Variants in ATRN observed in about 807,000 individuals in gnomAD.
ATRN encodes attractin.
In ATRN, 54 loss-of-function variants were observed where a neutral mutation model predicts 178.7. The observed-to-expected ratio is 0.30, with a 90% confidence interval of 0.24 to 0.38. The LOEUF (loss-of-function observed/expected upper bound fraction) is 0.38, where lower values mean the gene tolerates loss of function less well. ATRN is among the 10% of genes least tolerant of loss of function. The pLI is 1.00. For synonymous variants in ATRN, 636 were observed against 663.0 expected (o/e 0.96, Z 0.63); for missense variants, 1,443 against 1,815.1 (o/e 0.79, Z 3.73).
intron 1 of ATRN, among the ~76,000 whole-genome samples, chr20:3,483,861 G>A (rs2084655825): frequency 6.6e-6 from 1 of 151,974 alleles, no homozygotes; most frequent in African/African-American, 2.4e-5. Flanking sequence ...AAATAGAGCT[G>A]CTGAAAAAAT....
At chr20:3,514,329 A>T (rs1455166475) in intron 1 of ATRN, among the ~76,000 whole-genome samples, 3 of 152,204 alleles carry the variant, frequency 2.0e-5, no homozygotes, top group Admixed American at 1.3e-4. Flanking sequence ...ACTCTTCCAG[A>T]GCATAGGAAA....
Position 3,632,203 on chromosome 20 carries a change from C to T in ATRN, c.3864-2108C>T, listed in dbSNP as rs1218443613. Among the ~76,000 whole-genome samples the T allele has an allele frequency of 2.6e-5, 4 of 152,166 alleles. No homozygotes were observed. Among genetic ancestry groups the T allele is most frequent in the Non-Finnish European group, 5.9e-5 (4 of 68,032 alleles). The stretch of plus-strand genomic sequence containing the variant: ...TCCAGATTCCAAAGTGCTTTTCACA[C>T]CTCTGCTTCCACAGCTCTGGTTTGA... On this transcript the variant is annotated intron_variant, in intron 25 of 28. Coordinates refer to ENST00000262919, the MANE Select transcript of ATRN (RefSeq NM_139321.3). The surrounding 1 kb of genome is among the most constrained non-coding windows in gnomAD (Gnocchi z 4.2).
Position 3,471,488 on chromosome 20 carries a change from G to A in ATRN, c.381G>A (p.Glu127=). The A allele has an allele frequency of 1.4e-6, 2 of 1,409,372 alleles. No individual in the cohort carries two copies. The highest frequency in any genetic ancestry group is 1.8e-6 in the Non-Finnish European group (2 of 1,090,594). The allele number at this position is 1,409,372 out of a possible 1,614,324, so 87.3% of individuals were successfully genotyped here. Residue 127 remains glutamate (E), a synonymous_variant, in exon 1 of 29, where the codon GAG becomes GAA. Transcript: ENST00000262919. ...TCTGCCCCGCCGGCTGGGTGGGCGAGCAATGCCAGCACTGCGGGGGCCGCT... is the reference window on the plus strand; with the variant it reads ...TCTGCCCCGCCGGCTGGGTGGGCGAACAATGCCAGCACTGCGGGGGCCGCT... ...QCVCPAGWVG[E]QCQHCGGRFR...
Position 3,560,752 on chromosome 20 carries a change from G to A in ATRN, c.1294G>A (p.Val432Met). The part of the protein sequence containing the change: ...RVFHIHNESW[V>M]LLTPKAKEQY... ...TTTTCACATTCATAATGAGTCATGGGTGTTGTTGACCCCTAAGGCAAAGGA... is the reference window on the plus strand; with the variant it reads ...TTTTCACATTCATAATGAGTCATGGATGTTGTTGACCCCTAAGGCAAAGGA... Residue 432 changes from valine to methionine, a missense_variant, in exon 8 of 29, where the codon GTG becomes ATG. Physicochemically the swap from Val to Met is conservative, Grantham distance 21. Around this residue, in one of 4 missense-constraint regions of ATRN, gnomAD observed 862 missense variants for 972.1 expected, o/e 0.89. Transcript: ENST00000262919. The A allele has an allele frequency of 6.2e-7, 1 of 1,614,148 alleles. No homozygotes were observed. The highest frequency in any genetic ancestry group is 2.2e-5 in the East Asian group (1 of 44,878).
intron 25 of ATRN, 75 bp from the exon 26 acceptor site, chr20:3,634,236 G>A: frequency 7.1e-7 from 1 of 1,404,406 alleles, no homozygotes; most frequent in Non-Finnish European, 1.0e-6. Context: ...TTCACTGCCT[G>A]GCCTGAGGTG....
intron 1 of ATRN, chr20:3,490,646 G>T: frequency 1.1e-6 from 1 of 896,894 alleles, no homozygotes; most frequent in Non-Finnish European, 1.9e-6. Context: ...ACCAAGTTTT[G>T]TGCCTCTTCA....
At chr20:3,471,625 G>GCT in intron 1 of ATRN, 108 bp downstream of exon 1, 2 of 1,313,986 alleles carry the variant, frequency 1.5e-6, no homozygotes, top group Non-Finnish European at 1.9e-6. Flanking sequence ...AAGTGGAGAG[G>GCT]GTAGGGCCGC....
intron 11 of ATRN, among the ~76,000 whole-genome samples, chr20:3,570,333 T>A (rs1361187857): frequency 6.6e-6 from 1 of 152,196 alleles, no homozygotes; most frequent in Non-Finnish European, 1.5e-5. Context: ...GATTATTGTA[T>A]CCTGGGCTTT....
chr20:3,572,732 A>G lies in ATRN; in HGVS notation c.1873A>G (p.Thr625Ala). ...TCTTCTCTCCCTTTTTCCTCTTAGC[A>G]CCATGTATGTGTTCGGTGGTTTCAA... The part of the protein sequence containing the change: ...FGHSAVLHNS[T>A]MYVFGGFNSL... Residue 625 changes from threonine to alanine, a missense_variant and splice_region_variant, in exon 12 of 29, where the codon ACC (threonine) becomes GCC (alanine). Physicochemically the swap from Thr to Ala is moderately conservative, Grantham distance 58. Coordinates refer to ENST00000262919, the MANE Select transcript of ATRN (RefSeq NM_139321.3). The G allele has an allele frequency of 1.2e-6, 2 of 1,612,374 alleles. No homozygotes were observed. The highest frequency in any genetic ancestry group is 1.7e-6 in the Non-Finnish European group (2 of 1,179,292).
chr20:3,529,327 T>C (rs945939061), intron 1 of ATRN, among the ~76,000 whole-genome samples: 4 of 152,220 alleles, frequency 2.6e-5, no homozygotes, highest in Admixed American at 1.3e-4. Flanking sequence ...TATACTTTAA[T>C]CCAGTGATTT....
At chr20:3,617,989 C>A (rs182237679) in intron 24 of ATRN, among the ~76,000 whole-genome samples, 1 of 152,204 alleles carries the variant, frequency 6.6e-6, no homozygotes, top group African/African-American at 2.4e-5. Context: ...TTCACCCCGA[C>A]GCACAGGTGC....
At chr20:3,512,014 A>T (rs1231591412) in intron 1 of ATRN, among the ~76,000 whole-genome samples, 24 of 146,990 alleles carry the variant, frequency 1.6e-4, no homozygotes, top group Non-Finnish European at 1.3e-4. Context: ...TTTGGCAAAA[A>T]GAAAAGCTAG....
intron 24 of ATRN, among the ~76,000 whole-genome samples, chr20:3,613,647 G>T (rs671577): frequency 0.57 from 86,165 of 150,598 alleles, 25,433 homozygotes; most frequent in East Asian, 0.88. Flanking sequence ...TTTCGATGCA[G>T]GCAAAGCCGT....
chr20:3,521,778 C>G (rs1245350068), intron 1 of ATRN, among the ~76,000 whole-genome samples: 2 of 151,962 alleles, frequency 1.3e-5, no homozygotes, highest in African/African-American at 4.8e-5. Flanking sequence ...AGATTTGAAA[C>G]CATATGTCAT....
chr20:3,591,192 A>G lies in ATRN; in HGVS notation c.3208A>G (p.Lys1070Glu), dbSNP rs1241708615. Reference protein sequence around the residue: ...CPACQCNGHSKCINQSICEKC... With the variant: ...CPACQCNGHSECINQSICEKC... Reference sequence around the variant, plus strand: ...AGCTTGCCAATGCAACGGCCACAGTAAATGCATCAATCAGAGCATCTGTGA... The same window carrying G: ...AGCTTGCCAATGCAACGGCCACAGTGAATGCATCAATCAGAGCATCTGTGA... Residue 1070 changes from lysine to glutamate, a missense_variant, in exon 19 of 29, where the codon AAA becomes GAA. By Grantham distance (56) the Lys-to-Glu change is moderately conservative. Coordinates refer to ENST00000262919, the MANE Select transcript of ATRN (RefSeq NM_139321.3). The G allele has an allele frequency of 1.2e-6, 2 of 1,614,038 alleles. No homozygotes were observed. Among genetic ancestry groups the G allele is most frequent in the Non-Finnish European group, 1.7e-6 (2 of 1,179,998 alleles).
At chr20:3,562,251 G>A (rs1269066661) in intron 8 of ATRN, 25 bp from the exon 9 acceptor site, 1 of 1,591,582 alleles carries the variant, frequency 6.3e-7, no homozygotes, top group Non-Finnish European at 8.6e-7. Flanking sequence ...TGCCATGCTT[G>A]CCTTTAACTG....
intron 1 of ATRN, among the ~76,000 whole-genome samples, chr20:3,480,481 C>T (rs1341728207): frequency 6.6e-6 from 1 of 152,192 alleles, no homozygotes; most frequent in African/African-American, 2.4e-5. Flanking sequence ...CTTTCTGAAT[C>T]TCTGGATCAA....
At chr20:3,603,134 G>A (rs1046605502) in intron 23 of ATRN, among the ~76,000 whole-genome samples, 1 of 152,240 alleles carries the variant, frequency 6.6e-6, no homozygotes, top group Admixed American at 6.5e-5. Context: ...GTGGAACATT[G>A]AAGGACTCTC....
At chr20:3,491,158 CA>C (rs912006601) in intron 1 of ATRN, among the ~76,000 whole-genome samples, 9 of 150,946 alleles carry the variant, frequency 6.0e-5, no homozygotes, top group Admixed American at 5.9e-4. Context: ...GGAAAAAAAT[CA>C]AAAAAAACCC....
Sources: gnomAD v4.1 joint callset for allele counts (sites outside exome capture counted in the v4.1 genomes callset) on GRCh38, gnomAD v4.1.1 for gene constraint, gnomAD v4.1.1 regional missense constraint, Gnocchi (gnomAD v3.1) non-coding constraint, MANE v1.5 for transcripts, NCBI Gene and HGNC (gene_info 2026-07-23, HGNC 2026-07-21) for gene names.